RFX8: variants seen among roughly 807,000 people sequenced by gnomAD.
RFX8 encodes the protein regulatory factor X8.
A neutral mutation model predicts 54.6 loss-of-function variants in RFX8; 46 were observed. That is an observed-to-expected ratio of 0.84 (90% CI 0.67 to 1.08). RFX8 has a LOEUF of 1.08. RFX8 is among the 50% of genes least tolerant of loss of function. The probability of loss-of-function intolerance (pLI) is 0.00; values close to 1 mark genes in which losing one functional copy is unlikely to be tolerated. For missense variants in RFX8, 536 were observed against 562.3 expected (o/e 0.95, Z 0.47); for synonymous variants, 192 against 209.5 (o/e 0.92, Z 0.72).
intron 4 of RFX8, 23 bp downstream of exon 4, chr2:101,421,701 C>T: frequency 1.3e-6 from 2 of 1,546,894 alleles, no homozygotes; most frequent in Non-Finnish European, 1.7e-6. Flanking sequence ...AAACCCTACC[C>T]TCTCAAGTTC....
chr2:101,458,869 T>C (rs1483215849), intron 2 of RFX8, among the ~76,000 whole-genome samples: 1 of 152,250 alleles, frequency 6.6e-6, no homozygotes, highest in Non-Finnish European at 1.5e-5. Context: ...GATTTTATCT[T>C]TTCACATAGT....
At position 101,422,473 on chromosome 2, in the gene RFX8, C is replaced by G. The variant is rs1358736426; in HGVS notation, c.73-1G>C. 1 of 1,517,260 alleles carries G rather than the reference C, an allele frequency of 6.6e-7. No individual in the cohort carries two copies. Among genetic ancestry groups the G allele is most frequent in the Admixed American group, 2.0e-5 (1 of 50,884 alleles). 94.0% of individuals were successfully genotyped at this position (1,517,260 alleles called of 1,614,324 possible). A position where few individuals can be genotyped will look rare whatever the true frequency, so the allele number is the denominator to read the frequency against. The stretch of plus-strand genomic sequence containing the variant: ...TCTTCATCGGTGAATGATCTTCACA[C>G]TAAAAATCATTTGTGCAATGGATTA... On this transcript the variant is annotated splice_acceptor_variant, in intron 2 of 11. Coordinates refer to ENST00000428343, the MANE Select transcript of RFX8 (RefSeq NM_001145664.2). LOFTEE classifies it high-confidence loss of function.
At chr2:101,427,962 T>C (rs1021246819) in intron 2 of RFX8, among the ~76,000 whole-genome samples, 1 of 152,180 alleles carries the variant, frequency 6.6e-6, no homozygotes, top group Non-Finnish European at 1.5e-5. Flanking sequence ...GGACAGAATG[T>C]TGTTATCCCC....
intron 1 of RFX8, among the ~76,000 whole-genome samples, chr2:101,474,001 G>C (rs1012730289): frequency 6.6e-6 from 1 of 152,178 alleles, no homozygotes. Flanking sequence ...CGCCGATTCG[G>C]GCCCGGGGCT....
At chr2:101,421,612 C>G in intron 4 of RFX8, 112 bp downstream of exon 4, 1 of 1,469,576 alleles carries the variant, frequency 6.8e-7, no homozygotes, top group African/African-American at 1.4e-5. Flanking sequence ...CAGTGGGTTA[C>G]CATTGGACAT....
At chr2:101,438,790 C>T (rs1011987428) in intron 2 of RFX8, among the ~76,000 whole-genome samples, 44 of 152,104 alleles carry the variant, frequency 2.9e-4, no homozygotes, top group African/African-American at 1.0e-3. Flanking sequence ...GTAGTGACAT[C>T]TCATTGTGGT....
At chr2:101,458,346 T>C (rs1483996110) in intron 2 of RFX8, among the ~76,000 whole-genome samples, 1 of 152,254 alleles carries the variant, frequency 6.6e-6, no homozygotes, top group African/African-American at 2.4e-5. Flanking sequence ...CAGTGACTGG[T>C]ATCGGCTGTT....
intron 2 of RFX8, among the ~76,000 whole-genome samples, chr2:101,458,894 C>T (rs189077507): frequency 1.3e-3 from 202 of 152,244 alleles, no homozygotes; most frequent in East Asian, 3.7e-3. Flanking sequence ...TATTTCTTGG[C>T]GGCTTTGTTC....
intron 10 of RFX8, 68 bp from the exon 11 acceptor site, chr2:101,402,820 C>T: frequency 7.2e-7 from 1 of 1,397,456 alleles, no homozygotes; most frequent in Non-Finnish European, 9.6e-7. Flanking sequence ...CATTGTGAAA[C>T]TAACAACTTT....
At chr2:101,402,894 C>T (rs541851822) in intron 10 of RFX8, 142 bp from the exon 11 acceptor site, 32 of 724,456 alleles carry the variant, frequency 4.4e-5, no homozygotes, top group South Asian at 3.9e-4. Flanking sequence ...AGGCCTGGGT[C>T]GGCCTCTTAC....
At chr2:101,408,109 C>G (rs988585854) in intron 9 of RFX8, among the ~76,000 whole-genome samples, 1 of 152,186 alleles carries the variant, frequency 6.6e-6, no homozygotes, top group Non-Finnish European at 1.5e-5. Flanking sequence ...ACGATGGAGA[C>G]TTGGGAAACA....
intron 4 of RFX8, among the ~76,000 whole-genome samples, chr2:101,420,476 G>A (rs1333777000): frequency 1.3e-5 from 2 of 152,096 alleles, no homozygotes; most frequent in African/African-American, 2.4e-5. Flanking sequence ...CTCAGGAGGT[G>A]GAGGTACAGT....
intron 1 of RFX8, among the ~76,000 whole-genome samples, chr2:101,472,051 C>T (rs1342174438): frequency 6.6e-6 from 1 of 152,192 alleles, no homozygotes; most frequent in African/African-American, 2.4e-5. Flanking sequence ...ATACCAGAGG[C>T]TGTTCTTGAT....
rs1158085375 is a variant in RFX8, at chr2:101,471,685, C to T, written c.-53+2951G>A. Among the ~76,000 whole-genome samples the T allele has an allele frequency of 2.6e-5, 4 of 152,308 alleles. No individual in the cohort carries two copies. In the East Asian group the frequency reaches 7.7e-4, roughly 29 times the overall value. The stretch of plus-strand genomic sequence containing the variant: ...TCCCCAGAGCTTTAACCCCACCTCT[C>T]CCCGTTTCTGCAGTCTTTCCTGTCC... On this transcript the variant is annotated intron_variant, in intron 1 of 11. Coordinates refer to ENST00000428343, the MANE Select transcript of RFX8 (RefSeq NM_001145664.2).
rs1685507150 is a variant in RFX8, at chr2:101,402,651, T to C, written c.1030A>G (p.Lys344Glu). The change falls in exon 11 of 12, where the codon AAG becomes GAG. Residue 344 changes from lysine (K) to glutamate (E), a missense_variant. Coordinates refer to ENST00000428343, the MANE Select transcript of RFX8 (RefSeq NM_001145664.2). The part of the protein sequence containing the change: ...EEEEEDMGTV[K>E]EMLPDDPTLG... ...GTCGGGTCATCTGGTAGCATTTCCT[T>C]GACAGTCCCCATGTCCTCCTCCTCC... 6.4e-7 allele frequency: 1 copy of C among 1,554,372 alleles called. No individual in the cohort carries two copies. The highest frequency in any genetic ancestry group is 1.2e-5 in the South Asian group (1 of 84,156).
intron 6 of RFX8, among the ~76,000 whole-genome samples, chr2:101,415,591 C>T (rs1012409763): frequency 1.1e-4 from 17 of 148,852 alleles, no homozygotes; most frequent in East Asian, 2.0e-4. Flanking sequence ...GAAAAGGGAA[C>T]GCATAGAAAC....
rs373955415 is a variant in RFX8, at chr2:101,401,841, G to A, written c.1245+595C>T. Among the ~76,000 whole-genome samples, 12 of 152,200 alleles carry A rather than the reference G, an allele frequency of 7.9e-5. No homozygotes were observed. In the East Asian group the frequency reaches 1.5e-3, roughly 20 times the overall value. On this transcript the variant is annotated intron_variant, in intron 11 of 11. Transcript: ENST00000428343. ...CCAATCTCTGTTCCACTATTTCCTC[G>A]CATTTCCTTGCTGTGTGACTTTGTG...
intron 2 of RFX8, chr2:101,452,438 T>C: frequency 7.4e-7 from 1 of 1,352,446 alleles, no homozygotes; most frequent in Non-Finnish European, 9.5e-7. Context: ...GAAAAACCAA[T>C]CTCACAAGCT....
At chr2:101,431,352 G>A (rs1193448713) in intron 2 of RFX8, among the ~76,000 whole-genome samples, 2 of 152,174 alleles carry the variant, frequency 1.3e-5, no homozygotes, top group African/African-American at 2.4e-5. Context: ...TGAAGTGTCG[G>A]GTGCTAGGAA....
Sources: gnomAD v4.1 joint callset for allele counts (sites outside exome capture counted in the v4.1 genomes callset) on GRCh38, gnomAD v4.1.1 for gene constraint, MANE v1.5 for transcripts, NCBI Gene and HGNC (gene_info 2026-07-23, HGNC 2026-07-21) for gene names.